Variants in AKNA observed in about 807,000 individuals in gnomAD.
AKNA encodes the protein microtubule organization protein AKNA.
AKNA carries 67 observed loss-of-function variants against 138.8 expected under a neutral mutation model. The ratio of observed to expected loss-of-function variants is 0.48; its 90% confidence interval spans 0.40 to 0.59. AKNA has a LOEUF of 0.59. AKNA is among the 20% of genes least tolerant of loss of function. The pLI is 0.00. For missense variants in AKNA, 1,813 were observed against 1,880.4 expected, an observed-to-expected ratio of 0.96 and a Z score of 0.66; for synonymous variants, 737 against 754.4, an observed-to-expected ratio of 0.98 and a Z score of 0.38.
rs1368839943 is a variant in AKNA, at chr9:114,358,048, G to A, written c.2612C>T (p.Pro871Leu). ...GGACTTGGTGCCTGGAGGGTGGGGT[G>A]GCACGCCAGGGCCTGGAGGGGCTGC... The part of the protein sequence containing the change: ...AEAAPPGPGV[P>L]PHPPGTKSAA... The change falls in exon 12 of 22, where the codon CCA (proline) becomes CTA (leucine). Residue 871 changes from proline (P) to leucine (L), a missense_variant. Transcript: ENST00000374088. 6.2e-7 allele frequency: 1 copy of A among 1,611,672 alleles called. No individual in the cohort carries two copies. The highest frequency in any genetic ancestry group is 1.7e-5 in the Admixed American group (1 of 59,828).
intron 4 of AKNA, among the ~76,000 whole-genome samples, chr9:114,371,195 G>A (rs747215109): frequency 5.2e-4 from 79 of 152,314 alleles, no homozygotes; most frequent in Admixed American, 9.8e-4. Flanking sequence ...CGGTGTTCCT[G>A]GGCCAGGCCT....
chr9:114,350,485 A>G (rs1831029046), intron 15 of AKNA, among the ~76,000 whole-genome samples: 2 of 152,356 alleles, frequency 1.3e-5, no homozygotes, highest in East Asian at 3.9e-4. Context: ...CCAAAAAAAG[A>G]AAAGAAAAAC....
intron 13 of AKNA, 32 bp from the exon 14 acceptor site, chr9:114,356,168 G>T (rs201544467): frequency 6.3e-7 from 1 of 1,591,870 alleles, no homozygotes; most frequent in Non-Finnish European, 8.6e-7. Context: ...GACACACAGG[G>T]GTCACACAGA....
intron 18 of AKNA, 170 bp downstream of exon 18, chr9:114,345,693 G>C: frequency 1.8e-6 from 1 of 568,074 alleles, no homozygotes; most frequent in South Asian, 2.3e-5. Flanking sequence ...GAATGAACAA[G>C]TGCACCGAGA....
In AKNA at chr9:114,336,534, C is replaced by T. The variant is rs1164114380; in HGVS notation, c.*520G>A. ...CTGGGGCCCTGACATCCTAAAATGC[C>T]CCACTGACTACCAGTCACTAGGAGA... is the stretch of plus-strand genomic sequence containing the variant. On this transcript the variant is annotated 3_prime_UTR_variant, in exon 22 of 22. Coordinates refer to ENST00000374088, the MANE Select transcript of AKNA (RefSeq NM_001317950.2). 7.2e-5 allele frequency: 11 copies of T among 153,132 alleles called. No homozygotes were observed. The highest frequency in any genetic ancestry group is 2.6e-4 in the African/African-American group (11 of 41,512). 9.5% of individuals were successfully genotyped at this position (153,132 alleles called of 1,614,324 possible).
At chr9:114,391,096 A>G (rs927955981), upstream of AKNA, among the ~76,000 whole-genome samples, 6 of 152,242 alleles carry the variant, frequency 3.9e-5, no homozygotes, top group East Asian at 1.9e-4. Context: ...TAACAACCCA[A>G]TGAGGCTGAT....
chr9:114,366,990 A>G (rs1044628950), intron 6 of AKNA, among the ~76,000 whole-genome samples: 2 of 152,172 alleles, frequency 1.3e-5, no homozygotes, highest in Non-Finnish European at 2.9e-5. Context: ...TTCTGTTTTC[A>G]GAATGTGGCT....
intron 5 of AKNA, 114 bp downstream of exon 5, chr9:114,368,325 C>T (rs1564643594): frequency 8.3e-7 from 1 of 1,201,522 alleles, no homozygotes; most frequent in Non-Finnish European, 1.1e-6. Flanking sequence ...GCCTTGCCTC[C>T]CTCCTTCCCC....
intron 1 of AKNA, among the ~76,000 whole-genome samples, chr9:114,381,929 G>A (rs960041214): frequency 5.9e-5 from 9 of 152,144 alleles, no homozygotes; most frequent in Non-Finnish European, 1.2e-4. Flanking sequence ...GATTACAGGT[G>A]TGAGCCACCA....
chr9:114,337,255 C>G lies in AKNA; in HGVS notation c.4119G>C (p.Pro1373=). 6.4e-7 allele frequency: 1 copy of G among 1,550,734 alleles called. No homozygotes were observed. The highest frequency in any genetic ancestry group is 2.3e-5 in the East Asian group (1 of 43,130). The change falls in exon 22 of 22, where the codon CCG becomes CCC. Residue 1373 remains proline (P), a synonymous_variant. Transcript: ENST00000374088. The part of the protein sequence containing the change: ...PTSAQPAAKW[P]PTASPPPARR... ...GGGCTGGTGGGGGAGAGGCTGTGGG[C>G]GGCCACTTGGCAGCTGGTTGGGCTG...
At chr9:114,350,604 C>G (rs1687397) in intron 15 of AKNA, among the ~76,000 whole-genome samples, 26,256 of 152,044 alleles carry the variant, frequency 0.17, 7,260 homozygotes, top group African/African-American at 0.58. Context: ...AGAGAGAGGG[C>G]ATAAGTGTCA....
At chr9:114,365,180 G>A (rs1263891760) in intron 6 of AKNA, among the ~76,000 whole-genome samples, 2 of 152,204 alleles carry the variant, frequency 1.3e-5, no homozygotes, top group Admixed American at 6.5e-5. Flanking sequence ...CTTCTGGGAA[G>A]GAGAACTGGG....
At chr9:114,367,759 G>A (rs1832470757) in intron 5 of AKNA, 62 bp from the exon 6 acceptor site, 2 of 1,492,436 alleles carry the variant, frequency 1.3e-6, no homozygotes. Context: ...CTGAAGGACT[G>A]AGGCTGAACG....
intron 1 of AKNA, among the ~76,000 whole-genome samples, chr9:114,383,350 G>A (rs1833821253): frequency 6.6e-6 from 1 of 152,050 alleles, no homozygotes; most frequent in African/African-American, 2.4e-5. Context: ...TTCCCTAAGC[G>A]CTTCCTCTAT....
chr9:114,377,639 G>A (rs1007699665), intron 2 of AKNA, 107 bp from the exon 3 acceptor site: 1 of 1,149,700 alleles, frequency 8.7e-7, no homozygotes, highest in Non-Finnish European at 1.2e-6. Flanking sequence ...TCATCACGTG[G>A]GGATGGAAAG....
chr9:114,364,527 A>T, intron 7 of AKNA, 33 bp downstream of exon 7: 1 of 1,610,866 alleles, frequency 6.2e-7, no homozygotes. Flanking sequence ...GTTGTCTGGC[A>T]GTTCCATGGG....
At chr9:114,356,655 A>G (rs1831520209) in intron 13 of AKNA, among the ~76,000 whole-genome samples, 1 of 152,202 alleles carries the variant, frequency 6.6e-6, no homozygotes, top group Non-Finnish European at 1.5e-5. Flanking sequence ...CTAATTAGCT[A>G]TGTGAGGCTG....
chr9:114,370,325 C>A (rs1832679362), intron 4 of AKNA, among the ~76,000 whole-genome samples: 1 of 152,236 alleles, frequency 6.6e-6, no homozygotes, highest in Non-Finnish European at 1.5e-5. Flanking sequence ...TGAGGTGACC[C>A]AAATCCCAGG....
chr9:114,378,909 T>C (rs1294009113), intron 2 of AKNA, among the ~76,000 whole-genome samples: 1 of 152,230 alleles, frequency 6.6e-6, no homozygotes, highest in African/African-American at 2.4e-5. Flanking sequence ...AGACTCTCTG[T>C]TCAGGCAGAT....
Sources: allele counts gnomAD v4.1 joint callset (sites outside exome capture counted in the v4.1 genomes callset), GRCh38; gene constraint gnomAD v4.1.1; transcripts MANE v1.5; gene names NCBI Gene and HGNC (gene_info 2026-07-23, HGNC 2026-07-21).